Variants in PLEKHG1 observed in about 807,000 individuals in gnomAD.
The protein encoded by PLEKHG1 is pleckstrin homology domain-containing family G member 1.
Under a neutral mutation model 100.8 loss-of-function variants are expected in PLEKHG1, and 44 were observed. The ratio of observed to expected loss-of-function variants is 0.44; its 90% CI spans 0.34 to 0.56. The LOEUF is 0.56. Ranked by LOEUF, PLEKHG1 falls within the 20% of genes least tolerant of loss-of-function variation. The pLI is 0.01. For synonymous variants in PLEKHG1, 640 were observed against 662.5 expected, an observed-to-expected ratio of 0.97 and a Z score of 0.52; for missense variants, 1,545 against 1,720.9, an observed-to-expected ratio of 0.90 and a Z score of 1.81.
At chr6:150,763,474 C>A (rs1312078449) in intron 2 of PLEKHG1, among the ~76,000 whole-genome samples, 2 of 152,224 alleles carry the variant, frequency 1.3e-5, no homozygotes, top group African/African-American at 4.8e-5. Flanking sequence ...ACATGGAAAT[C>A]TACGATCTGG....
intron 3 of PLEKHG1, among the ~76,000 whole-genome samples, chr6:150,710,043 CAA>C (rs1781189777): frequency 6.6e-6 from 1 of 152,152 alleles, no homozygotes; most frequent in African/African-American, 2.4e-5. Context: ...GGCTGATAAC[CAA>C]TAGTCATTAT....
intron 7 of PLEKHG1, among the ~76,000 whole-genome samples, chr6:150,807,648 T>C (rs78229182): frequency 0.074 from 11,315 of 152,010 alleles, 694 homozygotes; most frequent in Admixed American, 0.21. Flanking sequence ...GTGGGGGTGG[T>C]TAATGAATAC....
At chr6:150,695,685 C>A (rs1780515766) in intron 3 of PLEKHG1, among the ~76,000 whole-genome samples, 1 of 152,228 alleles carries the variant, frequency 6.6e-6, no homozygotes, top group Non-Finnish European at 1.5e-5. Context: ...CAGTGCCTAA[C>A]AAATATGCAC....
At position 150,650,224 on chromosome 6, in the gene PLEKHG1, G is replaced by A. The variant is rs181181813; in HGVS notation, c.-157-504G>A. On this transcript the variant is annotated intron_variant, in intron 2 of 3. Coordinates refer to the PLEKHG1 transcript ENST00000367326. ...CAGAGAAGAGTGGCTGTGGCCTTAG[G>A]CAATTGTTGGAGGACTTGTGTTTTG... 6.6e-3 allele frequency among the ~76,000 whole-genome samples: 1,011 copies of A among 152,264 alleles called. 4 individuals are homozygous for A. Among genetic ancestry groups the A allele is most frequent in the Non-Finnish European group, 9.5e-3 (646 of 68,020 alleles).
intron 2 of PLEKHG1, among the ~76,000 whole-genome samples, chr6:150,761,099 CTTTTTTTTTTTTT>C (rs35068801): frequency 1.6e-4 from 15 of 95,914 alleles, no homozygotes; most frequent in Admixed American, 1.3e-3. Flanking sequence ...TTCTTTTTTT[CTTTTTTTTTTTTT>C]TTTTTTTTTT....
At chr6:150,826,029 A>G (rs1211908132) in intron 14 of PLEKHG1, among the ~76,000 whole-genome samples, 1 of 152,050 alleles carries the variant, frequency 6.6e-6, no homozygotes, top group African/African-American at 2.4e-5. Flanking sequence ...AAATACAAAA[A>G]AATCAGCAGG....
At chr6:150,804,287 A>G (rs1786909446) in intron 6 of PLEKHG1, among the ~76,000 whole-genome samples, 1 of 142,664 alleles carries the variant, frequency 7.0e-6, no homozygotes, top group Non-Finnish European at 1.5e-5. Context: ...CCCAGGTTCA[A>G]GTGATTCCCT....
chr6:150,822,189 G>A (rs1185191589), intron 13 of PLEKHG1, among the ~76,000 whole-genome samples: 1 of 137,578 alleles, frequency 7.3e-6, no homozygotes, highest in Non-Finnish European at 1.6e-5. Flanking sequence ...GAATAGGGCA[G>A]TTTCACAAAA....
chr6:150,809,002 G>T, intron 7 of PLEKHG1, 103 bp from the exon 9 acceptor site: 1 of 902,922 alleles, frequency 1.1e-6, no homozygotes, highest in East Asian at 2.5e-5. Context: ...GACCCCCTCA[G>T]GGACGATTTG....
At chr6:150,611,957 G>A (rs1412938502) in intron 1 of PLEKHG1, among the ~76,000 whole-genome samples, 1 of 151,160 alleles carries the variant, frequency 6.6e-6, no homozygotes, top group African/African-American at 2.4e-5. Context: ...TTATCTTTTT[G>A]GCTTTTGCAC....
At chr6:150,783,206 T>A in intron 3 of PLEKHG1, among the ~76,000 whole-genome samples, 1 of 139,200 alleles carries the variant, frequency 7.2e-6, no homozygotes, top group African/African-American at 2.7e-5. Context: ...AGGGGAGGTC[T>A]CCCCCCACAA....
At chr6:150,656,293 T>C (rs1376805856) in intron 3 of PLEKHG1, among the ~76,000 whole-genome samples, 2 of 152,152 alleles carry the variant, frequency 1.3e-5, no homozygotes, top group Non-Finnish European at 2.9e-5. Flanking sequence ...AAAAAATACT[T>C]GTTTTCTCTC....
At chr6:150,714,793 A>G (rs1411025932) in intron 3 of PLEKHG1, among the ~76,000 whole-genome samples, 4 of 151,290 alleles carry the variant, frequency 2.6e-5, no homozygotes, top group East Asian at 1.9e-4. Flanking sequence ...CTTTAGACCT[A>G]TGTCTTTTGC....
intron 3 of PLEKHG1, among the ~76,000 whole-genome samples, chr6:150,709,981 TCTCA>T (rs1444035607): frequency 1.2e-4 from 19 of 152,220 alleles, no homozygotes; most frequent in African/African-American, 4.6e-4. Context: ...AGAGATGGGG[TCTCA>T]CTCTGTTGCC....
rs774155516 is a variant in PLEKHG1, at chr6:150,821,207, G to A, written c.1421G>A (p.Arg474Gln). Residue 474 changes from arginine to glutamine, a missense_variant, in exon 13 of 16, where the codon CGG becomes CAG. Arg to Gln is a conservative substitution (Grantham distance 43). Transcript: ENST00000358517. ...TTTTGTCTCCCAGAACCTTCCTCAC[G>A]GTCACATAAAGTTTTGAAGACCAGT... 8.7e-6 allele frequency: 14 copies of A among 1,613,024 alleles called. No homozygotes were observed. The highest frequency in any genetic ancestry group is 1.7e-5 in the Admixed American group (1 of 59,972).
intron 3 of PLEKHG1, among the ~76,000 whole-genome samples, chr6:150,675,409 C>T (rs1048367243): frequency 6.6e-6 from 1 of 152,216 alleles, no homozygotes; most frequent in Non-Finnish European, 1.5e-5. Flanking sequence ...GTGCGTTCAT[C>T]ACACATGCTC....
intron 3 of PLEKHG1, among the ~76,000 whole-genome samples, chr6:150,710,641 GT>G (rs1781211372): frequency 1.3e-5 from 2 of 152,116 alleles, no homozygotes; most frequent in African/African-American, 2.4e-5. Context: ...AGTAAACATA[GT>G]TATTAATTGT....
At chr6:150,699,936 C>G (rs1780698085) in intron 3 of PLEKHG1, among the ~76,000 whole-genome samples, 1 of 152,168 alleles carries the variant, frequency 6.6e-6, no homozygotes, top group South Asian at 2.1e-4. Flanking sequence ...CTAACTCCTG[C>G]TATGTTTAAC....
At chr6:150,628,130 G>C (rs1777576879) in intron 1 of PLEKHG1, among the ~76,000 whole-genome samples, 1 of 152,174 alleles carries the variant, frequency 6.6e-6, no homozygotes, top group South Asian at 2.1e-4. Context: ...TGAACTCCAA[G>C]TGAATGTTTT....
Sources: allele counts gnomAD v4.1 joint callset (sites outside exome capture counted in the v4.1 genomes callset), GRCh38; gene constraint gnomAD v4.1.1; transcripts MANE v1.5; gene names NCBI Gene and HGNC (gene_info 2026-07-23, HGNC 2026-07-21).